The following ALDH1A3 variants were observed in gnomAD, a reference collection of about 807,000 sequenced individuals.
ALDH1A3 encodes the protein retinaldehyde dehydrogenase 3.
A neutral mutation model predicts 57.5 loss-of-function variants in ALDH1A3; 28 were observed. The ratio of observed to expected loss-of-function variants is 0.49; its 90% CI spans 0.36 to 0.67. ALDH1A3 has a LOEUF of 0.67. ALDH1A3 is among the 30% of genes least tolerant of loss of function. The pLI, the probability that ALDH1A3 is intolerant of heterozygous loss-of-function variation, is 0.00. For synonymous variants in ALDH1A3, 281 were observed against 264.8 expected (o/e 1.06, Z -0.59); for missense variants, 507 against 669.4 (o/e 0.76, Z 2.68).
At chr15:100,913,071 T>C (rs1481958414) in intron 12 of ALDH1A3, 1 of 40,364 alleles carries the variant, frequency 2.5e-5, no homozygotes, top group Non-Finnish European at 5.3e-5. Context: ...GGCAGGAGAA[T>C]GGCGTGAACC....
chr15:100,906,920 C>T lies in ALDH1A3; in HGVS notation c.1234-201C>T, dbSNP rs1311245918. On this transcript the variant is annotated intron_variant, in intron 10 of 12. Coordinates refer to ENST00000329841, the MANE Select transcript of ALDH1A3 (RefSeq NM_000693.4). This position sits in a 1 kb window ranked among gnomAD's most constrained non-coding sequence, Gnocchi z 4.8. ...TTGTTATTATTTTTTATTTTTGTTT[C>T]ATGTTAATCCTTCCCTTCAGTCTCC... 2.0e-5 allele frequency among the ~76,000 whole-genome samples: 3 copies of T among 152,154 alleles called. No homozygotes were observed. Among genetic ancestry groups the T allele is most frequent in the Non-Finnish European group, 4.4e-5 (3 of 68,030 alleles).
chr15:100,892,816 C>A, intron 4 of ALDH1A3, 129 bp from the exon 5 acceptor site: 1 of 1,320,936 alleles, frequency 7.6e-7, no homozygotes, highest in Non-Finnish European at 1.0e-6. Context: ...GGTCAAATCA[C>A]TTCTCTGTAT....
At chr15:100,905,401 C>T (rs1157886957) in intron 9 of ALDH1A3, 122 bp from the exon 10 acceptor site, 3 of 1,249,776 alleles carry the variant, frequency 2.4e-6, no homozygotes, top group East Asian at 2.4e-5. Flanking sequence ...TTACATGGAT[C>T]ATGGCTTGAC....
intron 9 of ALDH1A3, among the ~76,000 whole-genome samples, chr15:100,901,307 G>A (rs563885883): frequency 1.3e-4 from 20 of 152,282 alleles, no homozygotes; most frequent in African/African-American, 4.8e-4. Flanking sequence ...TCTTTAAAAC[G>A]GCACATCCTG....
intron 1 of ALDH1A3, among the ~76,000 whole-genome samples, chr15:100,883,273 G>A (rs1216157109): frequency 1.3e-5 from 2 of 152,072 alleles, no homozygotes; most frequent in African/African-American, 2.4e-5. Context: ...CCCTCTTCCT[G>A]GCTGCACTTT....
chr15:100,911,420 C>G lies in ALDH1A3; in HGVS notation c.1466+2938C>G, dbSNP rs1347480656. ...TGATATAGTAACCAAAAAATCTACG[C>G]AATAGAGATATGGAAAGTCAAGGCT... is the stretch of plus-strand genomic sequence containing the variant. On this transcript the variant is annotated intron_variant, in intron 12 of 12. Coordinates refer to ENST00000329841, the MANE Select transcript of ALDH1A3 (RefSeq NM_000693.4). Among the ~76,000 whole-genome samples the G allele has an allele frequency of 2.0e-5, 3 of 152,364 alleles. No homozygotes were observed. The South Asian group carries it at 6.2e-4, about 32-fold the overall frequency.
At chr15:100,880,160 G>A in intron 1 of ALDH1A3, 154 bp downstream of exon 1, 1 of 445,272 alleles carries the variant, frequency 2.2e-6, no homozygotes, top group South Asian at 1.1e-4. Context: ...TCCAGAAACC[G>A]CACCTTTCGC....
intron 1 of ALDH1A3, 39 bp from the exon 2 acceptor site, chr15:100,885,228 G>A: frequency 7.1e-7 from 1 of 1,417,948 alleles, no homozygotes; most frequent in South Asian, 1.2e-5. Flanking sequence ...ATATGATTTT[G>A]ATCTAAACCT....
intron 9 of ALDH1A3, among the ~76,000 whole-genome samples, chr15:100,905,241 A>G (rs2041811250): frequency 6.6e-6 from 1 of 152,200 alleles, no homozygotes; most frequent in South Asian, 2.1e-4. Context: ...TCACTCATGG[A>G]CTAACTTTGC....
In ALDH1A3 at chr15:100,880,104, C is replaced by T. The variant is rs1037761877; in HGVS notation, c.99+98C>T. 244 of 846,758 alleles carry T rather than the reference C, an allele frequency of 2.9e-4. 2 individuals are homozygous for T. Among genetic ancestry groups the T allele is most frequent in the Non-Finnish European group, 4.1e-5 (26 of 637,212 alleles). 52.5% of individuals were successfully genotyped at this position (846,758 alleles called of 1,614,324 possible). ...GCGAGGGAGCAGCGGGCCGGGGGTC[C>T]GCCGGGCGCCGCCGAGACCCGAGCC... is the stretch of plus-strand genomic sequence containing the variant. On this transcript the variant is annotated intron_variant, in intron 1 of 12. Coordinates refer to ENST00000329841, the MANE Select transcript of ALDH1A3 (RefSeq NM_000693.4).
chr15:100,904,713 C>G (rs4646681), intron 9 of ALDH1A3, among the ~76,000 whole-genome samples: 15,164 of 152,208 alleles, frequency 0.1, 1,535 homozygotes, highest in African/African-American at 0.26. Flanking sequence ...TTGACAACTG[C>G]TCAGTAGCGT....
intron 1 of ALDH1A3, 85 bp downstream of exon 1, chr15:100,880,091 C>A (rs1268105706): frequency 3.8e-6 from 4 of 1,058,118 alleles, no homozygotes; most frequent in Non-Finnish European, 4.9e-6. Flanking sequence ...GAGGGAGCAG[C>A]GGGCCGGGGG....
At chr15:100,892,380 C>A in intron 3 of ALDH1A3, 130 bp from the exon 4 acceptor site, 2 of 1,183,088 alleles carry the variant, frequency 1.7e-6, no homozygotes, top group South Asian at 1.5e-5. Flanking sequence ...TGAAGAGGTG[C>A]ATCTGACTGT....
rs780514656 is a variant in ALDH1A3, at chr15:100,887,633, G to C, written c.266G>C (p.Arg89Pro). ...GCCTTCCAGAGGGGCTCGCCATGGC[G>C]CCGGCTGGATGCCCTGAGTCGTGGG... ...QVAFQRGSPW[R>P]RLDALSRGRL... Residue 89 changes from arginine to proline, a missense_variant, in exon 3 of 13, where the codon CGC becomes CCC. Physicochemically the swap from Arg to Pro is moderately radical, Grantham distance 103. Transcript: ENST00000329841. The surrounding 1 kb of genome is among the most constrained non-coding windows in gnomAD (Gnocchi z 4.6). 6.2e-7 allele frequency: 1 copy of C among 1,611,748 alleles called. No individual in the cohort carries two copies. The highest frequency in any genetic ancestry group is 8.5e-7 in the Non-Finnish European group (1 of 1,179,008).
chr15:100,895,873 T>C (rs914475240), intron 6 of ALDH1A3, 60 bp from the exon 7 acceptor site: 1 of 1,432,602 alleles, frequency 7.0e-7, no homozygotes, highest in Non-Finnish European at 9.7e-7. Flanking sequence ...TCGGCCCAAA[T>C]GTGGATCCGT....
At position 100,906,181 on chromosome 15, in the gene ALDH1A3, C is replaced by G. The variant is rs565332352; in HGVS notation, c.1233+494C>G. Among the ~76,000 whole-genome samples, 1 of 152,316 alleles carries G rather than the reference C, an allele frequency of 6.6e-6. No individual in the cohort carries two copies. The highest frequency in any genetic ancestry group is 1.9e-4 in the East Asian group (1 of 5,192). ...GAATTTTTATTGACATTTTCCACCA[C>G]GGACGTCTTGAAAATGAGGGAAATT... On this transcript the variant is annotated intron_variant, in intron 10 of 12. Transcript: ENST00000329841. This position sits in a 1 kb window ranked among gnomAD's most constrained non-coding sequence, Gnocchi z 4.8.
intron 3 of ALDH1A3, among the ~76,000 whole-genome samples, chr15:100,891,863 G>A (rs2041653143): frequency 6.6e-6 from 1 of 152,226 alleles, no homozygotes; most frequent in African/African-American, 2.4e-5. Context: ...ACTCGCCCTG[G>A]GTAATCACCT....
Position 100,890,989 on chromosome 15 carries a change from C to A in ALDH1A3, c.346-1521C>A, listed in dbSNP as rs546085255. On this transcript the variant is annotated intron_variant, in intron 3 of 12. Transcript: ENST00000329841. ...TGAGTGGCAGCTGCTGGGGGCAGAA[C>A]ACACACCCCAAGCTAGACCAGTCCT... Among the ~76,000 whole-genome samples, 46 of 152,316 alleles carry A rather than the reference C, an allele frequency of 3.0e-4. No individual in the cohort carries two copies. The South Asian group carries it at 9.3e-3, about 31-fold the overall frequency.
In ALDH1A3 at chr15:100,883,013, G is replaced by A. The variant is rs768513473; in HGVS notation, c.100-2254G>A. On this transcript the variant is annotated intron_variant, in intron 1 of 12. Coordinates refer to ENST00000329841, the MANE Select transcript of ALDH1A3 (RefSeq NM_000693.4). ...AGTCTGATTTTTTTTTAAGGTTGCT[G>A]GTTACAGATCAATGTCATGAACAAA... Among the ~76,000 whole-genome samples the A allele has an allele frequency of 2.9e-4, 44 of 152,150 alleles. 1 individual carries two copies. Among genetic ancestry groups the A allele is most frequent in the Non-Finnish European group, 5.6e-4 (38 of 68,024 alleles).
Sources: gnomAD v4.1 joint callset for allele counts (sites outside exome capture counted in the v4.1 genomes callset) on GRCh38, gnomAD v4.1.1 for gene constraint, Gnocchi (gnomAD v3.1) non-coding constraint, MANE v1.5 for transcripts, NCBI Gene and HGNC (gene_info 2026-07-23, HGNC 2026-07-21) for gene names.